Variants in CIT observed in about 807,000 individuals in gnomAD.
The protein encoded by CIT is citron Rho-interacting kinase.
A neutral mutation model predicts 272.7 loss-of-function variants in CIT; 79 were observed. That is an observed-to-expected ratio of 0.29 (90% confidence interval 0.24 to 0.35). The LOEUF is 0.35. Ranked by LOEUF, CIT falls within the 10% of genes least tolerant of loss-of-function variation. The probability of loss-of-function intolerance (pLI) is 1.00; values close to 1 mark genes in which losing one functional copy is unlikely to be tolerated. For missense variants in CIT, 1,909 were observed against 2,618.3 expected (o/e 0.73, Z 5.91); for synonymous variants, 948 against 995.6 (o/e 0.95, Z 0.90).
At chr12:119,790,136 G>A (rs933119711) in intron 10 of CIT, among the ~76,000 whole-genome samples, 8 of 151,958 alleles carry the variant, frequency 5.3e-5, no homozygotes, top group Non-Finnish European at 7.4e-5. Flanking sequence ...TGAGAGGTTC[G>A]ATCAAAGACT....
At chr12:119,824,404 A>G (rs1396014786) in intron 8 of CIT, among the ~76,000 whole-genome samples, 3 of 152,178 alleles carry the variant, frequency 2.0e-5, no homozygotes, top group Admixed American at 6.5e-5. Context: ...TATCTCCTCA[A>G]TTCTAAGACT....
chr12:119,804,815 G>C lies in CIT; in HGVS notation c.1112-1426C>G, dbSNP rs1343926550. Among the ~76,000 whole-genome samples, 1 of 152,196 alleles carries C rather than the reference G, an allele frequency of 6.6e-6. No homozygotes were observed. The highest frequency in any genetic ancestry group is 1.5e-5 in the Non-Finnish European group (1 of 68,024). On this transcript the variant is annotated intron_variant, in intron 9 of 47. Coordinates refer to ENST00000392521, the MANE Select transcript of CIT (RefSeq NM_001206999.2). The surrounding 1 kb of genome is among the most constrained non-coding windows in gnomAD (Gnocchi z 5.3). ...CAAAAGAACATTCCCAGAGCTTCAG[G>C]TACATTGAGATGAGGTGGGAGAGTG...
chr12:119,798,449 A>G (rs1378119667), intron 10 of CIT, among the ~76,000 whole-genome samples: 1 of 152,120 alleles, frequency 6.6e-6, no homozygotes, highest in Non-Finnish European at 1.5e-5. Flanking sequence ...TGAGAATAAT[A>G]ATGGTACCTT....
intron 4 of CIT, among the ~76,000 whole-genome samples, chr12:119,853,437 T>TGTTTG (rs1375831576): frequency 2.7e-5 from 4 of 145,516 alleles, no homozygotes; most frequent in African/African-American, 1.1e-4. Flanking sequence ...TTTGTTTGTT[T>TGTTTG]GTTTGTTTTG....
chr12:119,777,283 C>T (rs895631839), intron 13 of CIT, among the ~76,000 whole-genome samples: 2 of 149,902 alleles, frequency 1.3e-5, no homozygotes, highest in Non-Finnish European at 3.0e-5. Context: ...GACCTAGAGA[C>T]GAGGGGAGTA....
intron 23 of CIT, among the ~76,000 whole-genome samples, chr12:119,748,962 C>G (rs1959831387): frequency 6.6e-6 from 1 of 152,190 alleles, no homozygotes; most frequent in South Asian, 2.1e-4. Flanking sequence ...TCTTAAATAT[C>G]AAGTTCAGGC....
intron 5 of CIT, 54 bp from the exon 6 acceptor site, chr12:119,834,282 C>T: frequency 1.4e-6 from 2 of 1,472,788 alleles, no homozygotes; most frequent in Non-Finnish European, 9.2e-7. Context: ...ATAGGGAATG[C>T]CTCAATTAGA....
intron 1 of CIT, 45 bp from the exon 2 acceptor site, chr12:119,876,226 A>T: frequency 7.8e-7 from 1 of 1,280,434 alleles, no homozygotes; most frequent in Admixed American, 1.8e-5. Flanking sequence ...TGTTTTGAGC[A>T]GGAAGGGCCT....
At chr12:119,754,293 A>G (rs1369569660) in intron 22 of CIT, among the ~76,000 whole-genome samples, 1 of 152,228 alleles carries the variant, frequency 6.6e-6, no homozygotes, top group Non-Finnish European at 1.5e-5. Flanking sequence ...GTCTGGCTCA[A>G]GAGTCCATGT....
At chr12:119,707,920 C>CA (rs2137032859) in intron 40 of CIT, among the ~76,000 whole-genome samples, 1 of 152,336 alleles carries the variant, frequency 6.6e-6, no homozygotes, top group Admixed American at 6.5e-5. Flanking sequence ...ATAATTATTT[C>CA]AAAAAGACTA....
At chr12:119,808,703 GC>G (rs1360872874) in intron 9 of CIT, among the ~76,000 whole-genome samples, 2 of 152,128 alleles carry the variant, frequency 1.3e-5, no homozygotes, top group South Asian at 2.1e-4. Flanking sequence ...GTGGGCATGC[GC>G]TAATATTCAA....
Position 119,690,534 on chromosome 12 carries a change from C to G in CIT, c.5883-80G>C, listed in dbSNP as rs1294981877. ...TTTTCCTTCTTACCTGAGCAACCCC[C>G]TCCTTGACCCAGCCTCACCACTGAT... On this transcript the variant is annotated intron_variant, in intron 46 of 47. Coordinates refer to ENST00000392521, the MANE Select transcript of CIT (RefSeq NM_001206999.2). The surrounding 1 kb of genome is among the most constrained non-coding windows in gnomAD (Gnocchi z 6.0). 2 of 1,318,790 alleles carry G rather than the reference C, an allele frequency of 1.5e-6. No individual in the cohort carries two copies. The highest frequency in any genetic ancestry group is 3.1e-5 in the African/African-American group (2 of 65,366). 81.7% of individuals were successfully genotyped at this position (1,318,790 alleles called of 1,614,324 possible).
intron 22 of CIT, 54 bp from the exon 23 acceptor site, chr12:119,752,301 A>C (rs989091515): frequency 1.5e-5 from 22 of 1,492,348 alleles, no homozygotes; most frequent in Non-Finnish European, 1.7e-5. Context: ...GGTCTGAACA[A>C]AAGAGAAAGT....
At chr12:119,856,294 A>T (rs528388941) in intron 4 of CIT, among the ~76,000 whole-genome samples, 23 of 152,112 alleles carry the variant, frequency 1.5e-4, no homozygotes, top group Non-Finnish European at 3.2e-4. Context: ...TGTATAATGG[A>T]TAGAGAGTTT....
intron 3 of CIT, among the ~76,000 whole-genome samples, chr12:119,860,636 T>C (rs1334207001): frequency 3.9e-5 from 6 of 151,932 alleles, no homozygotes; most frequent in Admixed American, 2.0e-4. Flanking sequence ...ACTCTGGGCC[T>C]GTCAGTGGCG....
Position 119,701,692 on chromosome 12 carries a change from C to A in CIT, c.5474G>T (p.Ser1825Ile). 2 of 1,614,204 alleles carry A rather than the reference C, an allele frequency of 1.2e-6. No individual in the cohort carries two copies. Among genetic ancestry groups the A allele is most frequent in the Non-Finnish European group, 1.7e-6 (2 of 1,180,042 alleles). The change falls in exon 43 of 48, where the codon AGC (serine) becomes ATC (isoleucine). Residue 1825 changes from serine to isoleucine, a missense_variant. Ser to Ile is a moderately radical substitution (Grantham distance 142, BLOSUM62 -2). Coordinates refer to ENST00000392521, the MANE Select transcript of CIT (RefSeq NM_001206999.2). ...APAVFAASSN[S>I]FPVSIVQVNS... ...CACCTGCACGATTGAGACAGGGAAG[C>A]TGTTGGAAGAGGCGGCAAACACAGC...
At chr12:119,782,661 A>C in intron 12 of CIT, 24 bp from the exon 13 acceptor site, 1 of 1,612,882 alleles carries the variant, frequency 6.2e-7, no homozygotes, top group Non-Finnish European at 8.5e-7. Context: ...AAATTTTAAT[A>C]GGGATGCCCT....
At chr12:119,708,705 G>C (rs1194158496) in intron 39 of CIT, among the ~76,000 whole-genome samples, 1 of 151,948 alleles carries the variant, frequency 6.6e-6, no homozygotes, top group Non-Finnish European at 1.5e-5. Context: ...GGTCAGGCTG[G>C]TCTCAAACTC....
At chr12:119,860,055 C>T (rs1950290999) in intron 3 of CIT, among the ~76,000 whole-genome samples, 1 of 152,102 alleles carries the variant, frequency 6.6e-6, no homozygotes, top group East Asian at 1.9e-4. Flanking sequence ...TAGACTCAAG[C>T]AATCCTCCCA....
Sources: gnomAD v4.1 joint callset for allele counts (sites outside exome capture counted in the v4.1 genomes callset) on GRCh38, gnomAD v4.1.1 for gene constraint, Gnocchi (gnomAD v3.1) non-coding constraint, MANE v1.5 for transcripts, NCBI Gene and HGNC (gene_info 2026-07-23, HGNC 2026-07-21) for gene names.